Variants in TIPIN observed in about 807,000 individuals in gnomAD.
The protein encoded by TIPIN is TIMELESS interacting protein.
Under a neutral mutation model 35.6 loss-of-function variants are expected in TIPIN, and 29 were observed. The ratio of observed to expected loss-of-function variants is 0.82; its 90% CI spans 0.61 to 1.11. The LOEUF (loss-of-function observed/expected upper bound fraction) is 1.11. Among genes scored for constraint, TIPIN ranks in the 50% most tolerant of loss-of-function variants. The pLI is 0.00. For missense variants in TIPIN, 296 were observed against 345.4 expected, an observed-to-expected ratio of 0.86 and a Z score of 1.13; for synonymous variants, 102 against 121.5, an observed-to-expected ratio of 0.84 and a Z score of 1.06.
rs2093047586 is a variant in TIPIN at position 66,336,803 on chromosome 15, CATAATT to C, written c.*149_*154del. 1.6e-6 allele frequency: 1 copy of C among 617,116 alleles called. No homozygotes were observed. The highest frequency in any genetic ancestry group is 2.8e-6 in the Non-Finnish European group (1 of 361,412). 38.2% of individuals were successfully genotyped at this position (617,116 alleles called of 1,614,324 possible). A position where few individuals can be genotyped will look rare whatever the true frequency, so the allele number is the denominator to read the frequency against. On this transcript the variant is annotated 3_prime_UTR_variant, in exon 8 of 8. Transcript: ENST00000261881. ...AAATAGATTTAACTAAAGTGACAAG[CATAATT>C]ATAAATAAATACCAGATTATCAGAT...
intron 6 of TIPIN, among the ~76,000 whole-genome samples, chr15:66,342,422 G>T (rs2093095211): frequency 6.6e-6 from 1 of 152,072 alleles, no homozygotes; most frequent in Non-Finnish European, 1.5e-5. Context: ...GGAGTGCAAT[G>T]GTTCGATCTT....
intron 1 of TIPIN, among the ~76,000 whole-genome samples, chr15:66,369,640 G>A (rs535307875): frequency 5.6e-4 from 85 of 152,120 alleles, no homozygotes; most frequent in Non-Finnish European, 9.0e-4. Flanking sequence ...GAGCCACCAC[G>A]CCCGGCCTTA....
rs2093178553 is a variant in TIPIN, at chr15:66,352,939, T to C, written c.9A>G (p.Glu3=). Residue 3 remains glutamate (E), a synonymous_variant, in exon 2 of 8, where the codon GAA becomes GAG. Transcript: ENST00000261881. The part of the protein sequence containing the change: ML[E]PQENGVIDLP... Reference sequence around the variant, plus strand: ...GGTCAATCACGCCATTCTCCTGTGGTTCTAGCATCTTTTCCTCTAGGGGAA... The same window carrying C: ...GGTCAATCACGCCATTCTCCTGTGGCTCTAGCATCTTTTCCTCTAGGGGAA... 6.2e-7 allele frequency: 1 copy of C among 1,612,864 alleles called. No individual in the cohort carries two copies. Among genetic ancestry groups the C allele is most frequent in the Admixed American group, 1.7e-5 (1 of 59,578 alleles).
At chr15:66,351,728 C>A in intron 3 of TIPIN, 128 bp from the exon 4 acceptor site, 1 of 719,690 alleles carries the variant, frequency 1.4e-6, no homozygotes, top group Non-Finnish European at 2.3e-6. Flanking sequence ...AGCTCGGCCT[C>A]CCCCAGGTTC....
intron 7 of TIPIN, 24 bp downstream of exon 7, chr15:66,341,126 T>C (rs375630993): frequency 1.7e-5 from 27 of 1,602,040 alleles, no homozygotes; most frequent in African/African-American, 2.7e-5. Context: ...AATGGTAGCA[T>C]ATAAAATTTG....
intron 6 of TIPIN, among the ~76,000 whole-genome samples, chr15:66,345,801 T>C (rs1280374303): frequency 6.6e-6 from 1 of 152,250 alleles, no homozygotes; most frequent in Non-Finnish European, 1.5e-5. Context: ...TTTACTTCTG[T>C]GGCACCTGAT....
chr15:66,376,239 C>T (rs2093296286), intron 1 of TIPIN, among the ~76,000 whole-genome samples: 2 of 152,324 alleles, frequency 1.3e-5, no homozygotes, highest in South Asian at 4.1e-4. Flanking sequence ...ATGTCTGCCT[C>T]ATTCTTTGGA....
chr15:66,371,359 G>T lies in TIPIN; in HGVS notation c.-9+15248C>A, dbSNP rs996947670. ...AAAACCCACAAAATTCTCAGAAGAC[G>T]TAAGTGTTTTAATGTGAGAAAGGCC... On this transcript the variant is annotated intron_variant, in intron 1 of 7. Transcript: ENST00000562124. The T allele has an allele frequency of 5.1e-6, 5 of 984,860 alleles. No homozygotes were observed. The South Asian group carries it at 1.9e-4, about 37-fold the overall frequency. The allele number at this position is 984,860 out of a possible 1,614,324, so 61.0% of individuals were successfully genotyped here.
At chr15:66,365,627 A>G (rs1328249514) in intron 1 of TIPIN, among the ~76,000 whole-genome samples, 1 of 152,080 alleles carries the variant, frequency 6.6e-6, no homozygotes, top group Non-Finnish European at 1.5e-5. Flanking sequence ...GCTCACTGCA[A>G]CCTCTGCCTC....
At chr15:66,355,134 C>T (rs1057192320) in intron 1 of TIPIN, among the ~76,000 whole-genome samples, 2 of 148,386 alleles carry the variant, frequency 1.3e-5, no homozygotes, top group Non-Finnish European at 3.0e-5. Flanking sequence ...CCCGGGTTCT[C>T]GCCATTCTCC....
chr15:66,379,233 T>G, intron 1 of TIPIN: 1 of 1,423,284 alleles, frequency 7.0e-7, no homozygotes, highest in Non-Finnish European at 9.3e-7. Flanking sequence ...AGCTATTTAC[T>G]TTTCTCCAAA....
intron 1 of TIPIN, chr15:66,379,349 C>T (rs1365715148): frequency 6.3e-7 from 1 of 1,595,196 alleles, no homozygotes; most frequent in East Asian, 2.2e-5. Context: ...ATTCATCATC[C>T]TGCTGAACAG....
intron 3 of TIPIN, 106 bp downstream of exon 3, chr15:66,352,023 A>G: frequency 1.1e-6 from 1 of 933,246 alleles, no homozygotes; most frequent in African/African-American, 1.7e-5. Flanking sequence ...GTTTTTAGAA[A>G]TATAAGAGCT....
At position 66,337,105 on chromosome 15, in the gene TIPIN, ATTTGACTCCTCCT is replaced by A; in HGVS notation, c.746_758del (p.Lys249MetfsTer3). 1 of 1,614,078 alleles carries A rather than the reference ATTTGACTCCTCCT, an allele frequency of 6.2e-7. No individual in the cohort carries two copies. Among genetic ancestry groups the A allele is most frequent in the East Asian group, 2.2e-5 (1 of 44,868 alleles). ...TGTCCAGAATGTCTTCGTTTAATCC[ATTTGACTCCTCCT>A]TTTGATCCTCATCAGTATTAACCTC... On this transcript the variant is annotated frameshift_variant, in exon 8 of 8. Coordinates refer to ENST00000261881, the MANE Select transcript of TIPIN (RefSeq NM_017858.3). LOFTEE classifies it high-confidence loss of function.
chr15:66,366,130 T>G (rs1001836405), intron 1 of TIPIN, among the ~76,000 whole-genome samples: 4 of 151,222 alleles, frequency 2.6e-5, no homozygotes, highest in African/African-American at 9.8e-5. Context: ...AGAGACCCAA[T>G]TTAGGAGAGT....
chr15:66,377,239 G>C (rs770661775), intron 1 of TIPIN, among the ~76,000 whole-genome samples: 9 of 151,988 alleles, frequency 5.9e-5, no homozygotes, highest in Non-Finnish European at 1.3e-4. Flanking sequence ...ATTTCTCTAA[G>C]CGAGTAGAAT....
intron 1 of TIPIN, among the ~76,000 whole-genome samples, chr15:66,353,811 A>G (rs1277329264): frequency 6.6e-6 from 1 of 150,752 alleles, no homozygotes; most frequent in African/African-American, 2.4e-5. Flanking sequence ...AACAACTGAC[A>G]CTTTTGGTCA....
In TIPIN at chr15:66,378,774, T is replaced by C. The variant is rs180870721; in HGVS notation, c.-9+7833A>G. On this transcript the variant is annotated intron_variant, in intron 1 of 7. Transcript: ENST00000562124. ...TTTTTTGAGACAGGGTCTCACTCTA[T>C]TGTCCAGGCTAGAGTGCAGTAGTTT... 1.1e-4 allele frequency among the ~76,000 whole-genome samples: 16 copies of C among 151,922 alleles called. No homozygotes were observed. In the East Asian group the frequency reaches 2.1e-3, roughly 20 times the overall value.
Position 66,352,824 on chromosome 15 carries a change from G to A in TIPIN, c.124C>T (p.Pro42Ser), listed in dbSNP as rs770856816. Residue 42 changes from proline (P) to serine (S), a missense_variant, in exon 2 of 8, where the codon CCT becomes TCT. Coordinates refer to ENST00000261881, the MANE Select transcript of TIPIN (RefSeq NM_017858.3). Reference sequence around the variant, plus strand: ...AACTCTCTATACATACCTTCATCAGGCTCAGTTCCTTCACCATCTTGTCTC... The same window carrying A: ...AACTCTCTATACATACCTTCATCAGACTCAGTTCCTTCACCATCTTGTCTC... ...PERQDGEGTE[P>S]DEESGNGAPV... 12 of 1,611,904 alleles carry A rather than the reference G, an allele frequency of 7.4e-6. No individual in the cohort carries two copies. Among genetic ancestry groups the A allele is most frequent in the Non-Finnish European group, 1.0e-5 (12 of 1,179,622 alleles).
Sources: allele counts gnomAD v4.1 joint callset (sites outside exome capture counted in the v4.1 genomes callset), GRCh38; gene constraint gnomAD v4.1.1; transcripts MANE v1.5; gene names NCBI Gene and HGNC (gene_info 2026-07-23, HGNC 2026-07-21).